The following AVEN variants were observed in gnomAD, a reference collection of about 807,000 sequenced individuals.
AVEN encodes the protein cell death regulator Aven.
Under a neutral mutation model 38.1 loss-of-function variants are expected in AVEN, and 41 were observed. The observed-to-expected ratio is 1.08, with a 90% CI of 0.84 to 1.40. The LOEUF is 1.40. Among genes scored for constraint, AVEN ranks in the 40% most tolerant of loss-of-function variants. AVEN has a pLI of 0.00. For synonymous variants in AVEN, 206 were observed against 171.8 expected (o/e 1.20, Z -1.56); for missense variants, 605 against 438.8 (o/e 1.38, Z -3.38).
At chr15:33,999,819 T>C (rs1362915362) in intron 2 of AVEN, among the ~76,000 whole-genome samples, 3 of 152,206 alleles carry the variant, frequency 2.0e-5, no homozygotes, top group Admixed American at 2.0e-4. Context: ...CTTCAGTTCC[T>C]TCCAACACAG....
chr15:34,055,517 A>G (rs1486896763), intron 5 of AVEN, among the ~76,000 whole-genome samples: 2 of 151,566 alleles, frequency 1.3e-5, no homozygotes, highest in Admixed American at 6.6e-5. Context: ...AAAAATAAAT[A>G]TAGGCTGGGC....
rs1322638439 is a variant in AVEN at position 33,960,867 on chromosome 15, CAT to C, written c.445+42163_445+42164del. Among the ~76,000 whole-genome samples the C allele has an allele frequency of 1.2e-4, 19 of 152,228 alleles. No homozygotes were observed. The East Asian group carries it at 3.7e-3, about 29-fold the overall frequency. ...TATATCCAGTGTCTAGAACAATGCA[CAT>C]GTTTTAGGTGCTAAACTGTTTGTTC... On this transcript the variant is annotated intron_variant, in intron 2 of 5. Coordinates refer to ENST00000306730, the MANE Select transcript of AVEN (RefSeq NM_020371.3).
Position 33,867,858 on chromosome 15 carries a change from G to C in AVEN, c.613-3C>G, listed in dbSNP as rs1890727517. 6.4e-7 allele frequency: 1 copy of C among 1,557,578 alleles called. No homozygotes were observed. The highest frequency in any genetic ancestry group is 8.6e-7 in the Non-Finnish European group (1 of 1,157,684). Reference sequence around the variant, plus strand: ...GGAACCTCTAAAGGAACTGTACCCTGAAAGAGAAGTATAAAAACTGAGTTA... The same window carrying C: ...GGAACCTCTAAAGGAACTGTACCCTCAAAGAGAAGTATAAAAACTGAGTTA... On this transcript the variant is annotated splice_polypyrimidine_tract_variant and splice_region_variant and intron_variant, in intron 4 of 5. Transcript: ENST00000306730.
chr15:34,056,996 A>G (rs1900178213), intron 5 of AVEN, among the ~76,000 whole-genome samples: 1 of 152,278 alleles, frequency 6.6e-6, no homozygotes, highest in African/African-American at 2.4e-5. Context: ...CTATGATCAC[A>G]CCACTGCAAT....
chr15:33,854,498 T>A, downstream of AVEN: 1 of 1,461,782 alleles, frequency 6.8e-7, no homozygotes, highest in African/African-American at 1.4e-5. Context: ...AGTTCAGGGA[T>A]GCCACAGAGA....
At chr15:33,863,703 C>G (rs922629518), downstream of AVEN, among the ~76,000 whole-genome samples, 2 of 152,146 alleles carry the variant, frequency 1.3e-5, no homozygotes, top group Non-Finnish European at 2.9e-5. Context: ...TAAATACTTT[C>G]TAACTTTTCC....
downstream of AVEN, chr15:33,858,141 G>C (rs576264861): frequency 3.5e-6 from 2 of 572,650 alleles, no homozygotes; most frequent in East Asian, 5.9e-5. Context: ...TCTAAGCCCC[G>C]TGGAAAGGGA....
intron 2 of AVEN, among the ~76,000 whole-genome samples, chr15:33,954,570 T>C (rs1488382056): frequency 6.8e-6 from 1 of 147,088 alleles, no homozygotes; most frequent in Non-Finnish European, 1.5e-5. Context: ...CCAAACACCA[T>C]ATGTTCTCAC....
chr15:33,905,798 T>G (rs949470993), intron 2 of AVEN, among the ~76,000 whole-genome samples: 12 of 146,818 alleles, frequency 8.2e-5, no homozygotes, highest in African/African-American at 2.8e-4. Context: ...CCAGCCTGTA[T>G]GACAAATTGA....
chr15:33,890,851 G>A (rs1241244090), intron 2 of AVEN, among the ~76,000 whole-genome samples: 1 of 152,168 alleles, frequency 6.6e-6, no homozygotes, highest in Non-Finnish European at 1.5e-5. Context: ...GTGGCTCACA[G>A]CTGTAATCCC....
At chr15:33,920,783 T>TG (rs1893363636) in intron 2 of AVEN, among the ~76,000 whole-genome samples, 1 of 152,026 alleles carries the variant, frequency 6.6e-6, no homozygotes, top group African/African-American at 2.4e-5. Flanking sequence ...TCCTTTTTTT[T>TG]TAGATGAAGT....
At chr15:33,930,666 TAAG>T (rs1248539921) in intron 2 of AVEN, among the ~76,000 whole-genome samples, 2 of 152,054 alleles carry the variant, frequency 1.3e-5, no homozygotes, top group African/African-American at 4.8e-5. Context: ...TGTTACAACT[TAAG>T]AACTGGCCGG....
rs1891218233 is a variant in AVEN, at chr15:33,876,092, T to C, written c.446-97A>G. 2.7e-6 allele frequency: 3 copies of C among 1,116,644 alleles called. No individual in the cohort carries two copies. The African/African-American group carries it at 4.7e-5, about 18-fold the overall frequency. 69.2% of individuals were successfully genotyped at this position (1,116,644 alleles called of 1,614,324 possible). ...TAGAGCAAAAGTGCCATTTCTGAAG[T>C]GCTCAAACTCAAAGGGAGAGGCAAG... On this transcript the variant is annotated intron_variant, in intron 2 of 5. Transcript: ENST00000306730.
At chr15:33,931,845 T>C (rs1003525700) in intron 2 of AVEN, among the ~76,000 whole-genome samples, 9 of 152,190 alleles carry the variant, frequency 5.9e-5, no homozygotes, top group Admixed American at 4.6e-4. Context: ...AGAAGTATAG[T>C]TGATTTGCAA....
intron 2 of AVEN, among the ~76,000 whole-genome samples, chr15:33,933,530 G>C (rs3884250): frequency 0.09 from 3,647 of 40,518 alleles, 34 homozygotes; most frequent in African/African-American, 0.15. Context: ...CACACAGAGA[G>C]AGAGAGAGAG....
At chr15:33,937,720 G>A (rs530891678) in intron 2 of AVEN, among the ~76,000 whole-genome samples, 3 of 152,012 alleles carry the variant, frequency 2.0e-5, no homozygotes, top group African/African-American at 4.8e-5. Context: ...AGACACCAGA[G>A]AGTTTCCTCA....
rs1893843079 is a variant in AVEN, at chr15:33,931,393, C to CG, written c.446-55399dup. Reference sequence around the variant, plus strand: ...TTTTTTTTTTTTTTTTTTTTTGAGACGGAGTCTTGCTCTGTCACCCGGGCT... The same window carrying CG: ...TTTTTTTTTTTTTTTTTTTTTGAGACGGGAGTCTTGCTCTGTCACCCGGGCT... On this transcript the variant is annotated intron_variant, in intron 2 of 5. Transcript: ENST00000306730. Among the ~76,000 whole-genome samples, 29 of 98,618 alleles carry CG rather than the reference C, an allele frequency of 2.9e-4. No homozygotes were observed. In the South Asian group the frequency reaches 9.6e-3, roughly 33 times the overall value. The allele number at this position is 98,618 out of a possible 152,430, so 64.7% of individuals were successfully genotyped here. A position where few individuals can be genotyped will look rare whatever the true frequency, so the allele number is the denominator to read the frequency against.
At chr15:33,961,497 T>A (rs1029843094) in intron 2 of AVEN, among the ~76,000 whole-genome samples, 1 of 152,100 alleles carries the variant, frequency 6.6e-6, no homozygotes, top group African/African-American at 2.4e-5. Flanking sequence ...ACCTCTGAGA[T>A]GCTCAGCATT....
chr15:34,068,869 T>TG (rs1900573680), intron 2 of AVEN, among the ~76,000 whole-genome samples: 1 of 148,770 alleles, frequency 6.7e-6, no homozygotes, highest in Middle Eastern at 3.3e-3. Flanking sequence ...TGGAGTGCAG[T>TG]GGCGCAATCT....
Sources: gnomAD v4.1 joint callset for allele counts (sites outside exome capture counted in the v4.1 genomes callset) on GRCh38, gnomAD v4.1.1 for gene constraint, MANE v1.5 for transcripts, NCBI Gene and HGNC (gene_info 2026-07-23, HGNC 2026-07-21) for gene names.